The following OSBP2 variants were observed in gnomAD, a reference collection of about 807,000 sequenced individuals.
The protein encoded by OSBP2 is oxysterol-binding protein 2.
A neutral mutation model predicts 96.0 loss-of-function variants in OSBP2; 66 were observed. That is an observed-to-expected ratio of 0.69 (90% CI 0.56 to 0.84). The LOEUF (loss-of-function observed/expected upper bound fraction) is 0.84. OSBP2 is among the 40% of genes least tolerant of loss of function. The pLI, the probability that OSBP2 is intolerant of heterozygous loss-of-function variation, is 0.00. For missense variants in OSBP2, 1,038 were observed against 1,222.7 expected (o/e 0.85, Z 2.25); for synonymous variants, 525 against 520.9 (o/e 1.01, Z -0.11).
intron 1 of OSBP2, among the ~76,000 whole-genome samples, chr22:30,737,839 AG>A (rs1232767605): frequency 6.6e-6 from 1 of 151,976 alleles, no homozygotes; most frequent in Non-Finnish European, 1.5e-5. Context: ...CAGCCTCCTG[AG>A]TAGCTGGGAC....
At chr22:30,901,107 C>T (rs994875651) in intron 12 of OSBP2, among the ~76,000 whole-genome samples, 6 of 152,132 alleles carry the variant, frequency 3.9e-5, no homozygotes, top group Non-Finnish European at 7.4e-5. Flanking sequence ...CTCACTCTGT[C>T]GCCCAGCCTG....
chr22:30,898,238 GA>G (rs767554154), intron 12 of OSBP2, among the ~76,000 whole-genome samples: 6 of 152,048 alleles, frequency 3.9e-5, no homozygotes, highest in Non-Finnish European at 7.4e-5. Flanking sequence ...TGTAGTCCCA[GA>G]TACTCAGGAG....
At chr22:30,904,445 G>A (rs1233825584) in intron 12 of OSBP2, among the ~76,000 whole-genome samples, 1 of 152,176 alleles carries the variant, frequency 6.6e-6, no homozygotes, top group Non-Finnish European at 1.5e-5. Flanking sequence ...CAAAACAAAT[G>A]CATCTAAACT....
intron 2 of OSBP2, among the ~76,000 whole-genome samples, chr22:30,790,289 C>A (rs1241748787): frequency 6.6e-6 from 1 of 151,884 alleles, no homozygotes; most frequent in Non-Finnish European, 1.5e-5. Flanking sequence ...CTGCTGTGGA[C>A]CCACTTTTTA....
intron 2 of OSBP2, among the ~76,000 whole-genome samples, chr22:30,791,561 A>G (rs189627169): frequency 3.3e-5 from 5 of 151,946 alleles, no homozygotes; most frequent in African/African-American, 1.2e-4. Context: ...TCCTGACCTG[A>G]AGTGATCCGC....
At chr22:30,825,759 G>A (rs2038388786) in intron 2 of OSBP2, among the ~76,000 whole-genome samples, 1 of 152,182 alleles carries the variant, frequency 6.6e-6, no homozygotes, top group Admixed American at 6.5e-5. Context: ...CCTTGGGCAG[G>A]CCCTGACCAT....
At position 30,767,667 on chromosome 22, in the gene OSBP2, G is replaced by A. The variant is rs569641712; in HGVS notation, c.853+26298G>A. On this transcript the variant is annotated intron_variant, in intron 2 of 13. Coordinates refer to ENST00000332585, the MANE Select transcript of OSBP2 (RefSeq NM_030758.4). ...CCCTGTCTTAGAGAGTTTGCAGGAAGTAGAAAAGGGAATGCAGAGGGCTGA... is the reference window on the plus strand; with the variant it reads ...CCCTGTCTTAGAGAGTTTGCAGGAAATAGAAAAGGGAATGCAGAGGGCTGA... Among the ~76,000 whole-genome samples, 95 of 152,112 alleles carry A rather than the reference G, an allele frequency of 6.2e-4. 3 individuals are homozygous for A. The South Asian group carries it at 0.02, about 31-fold the overall frequency.
In OSBP2 at chr22:30,732,302, C is replaced by T. The variant is rs563777468; in HGVS notation, c.645-8859C>T. Among the ~76,000 whole-genome samples the T allele has an allele frequency of 1.8e-4, 27 of 152,148 alleles. 1 individual carries two copies. The South Asian group carries it at 5.6e-3, about 32-fold the overall frequency. On this transcript the variant is annotated intron_variant, in intron 1 of 13. Coordinates refer to ENST00000332585, the MANE Select transcript of OSBP2 (RefSeq NM_030758.4). ...CTGGGCAACAAGAGTGAAACTCTGT[C>T]TCAAAAAATAAATAAATAAATAAAA...
At chr22:30,809,616 TA>T (rs1684303239) in intron 2 of OSBP2, among the ~76,000 whole-genome samples, 1 of 152,182 alleles carries the variant, frequency 6.6e-6, no homozygotes, top group South Asian at 2.1e-4. Context: ...GCTTAGCTCC[TA>T]GTAGGCTGTG....
chr22:30,785,385 A>G (rs59931472), intron 2 of OSBP2, among the ~76,000 whole-genome samples: 1 of 151,912 alleles, frequency 6.6e-6, no homozygotes, highest in Non-Finnish European at 1.5e-5. Flanking sequence ...CCTGGCCAAC[A>G]TGGTGAAACT....
At position 30,788,740 on chromosome 22, in the gene OSBP2, T is replaced by C. The variant is rs527351689; in HGVS notation, c.853+47371T>C. Among the ~76,000 whole-genome samples the C allele has an allele frequency of 5.3e-5, 8 of 152,154 alleles. 1 individual carries two copies. The South Asian group carries it at 1.7e-3, about 32-fold the overall frequency. On this transcript the variant is annotated intron_variant, in intron 2 of 13. Transcript: ENST00000332585. ...TTATTTATTTATTTTTGAGATGGAG[T>C]CTTGCTCTGTCACCCAGGCTGGAGT... is the stretch of plus-strand genomic sequence containing the variant.
At chr22:30,766,077 G>A (rs1337581366) in intron 2 of OSBP2, among the ~76,000 whole-genome samples, 1 of 152,110 alleles carries the variant, frequency 6.6e-6, no homozygotes, top group East Asian at 1.9e-4. Flanking sequence ...TTCAAAAAAA[G>A]TAATAATAGT....
chr22:30,702,213 A>G (rs2089175344), intron 1 of OSBP2, among the ~76,000 whole-genome samples: 1 of 152,054 alleles, frequency 6.6e-6, no homozygotes, highest in African/African-American at 2.4e-5. Flanking sequence ...CCTTCTGCTT[A>G]CCTGGTGTCC....
chr22:30,878,693 C>T (rs1304092798), intron 3 of OSBP2, among the ~76,000 whole-genome samples: 4 of 152,176 alleles, frequency 2.6e-5, no homozygotes, highest in South Asian at 2.1e-4. Context: ...AGATGCCGCA[C>T]TCTTGGTCCC....
chr22:30,840,912 C>G (rs1257960757), intron 2 of OSBP2, among the ~76,000 whole-genome samples: 1 of 151,994 alleles, frequency 6.6e-6, no homozygotes, highest in Non-Finnish European at 1.5e-5. Context: ...TGCCTGTAAT[C>G]TCAGGACTTT....
chr22:30,696,802 C>T (rs577440809), intron 1 of OSBP2, among the ~76,000 whole-genome samples: 61 of 152,098 alleles, frequency 4.0e-4, no homozygotes, highest in African/African-American at 1.3e-3. Context: ...TACAGGCGCC[C>T]GTCACCATGC....
chr22:30,901,213 T>C (rs1336708251), intron 12 of OSBP2, among the ~76,000 whole-genome samples: 5 of 152,008 alleles, frequency 3.3e-5, no homozygotes, highest in Non-Finnish European at 5.9e-5. Flanking sequence ...GGATTACAGG[T>C]GTGCGCCACC....
At position 30,741,211 on chromosome 22, in the gene OSBP2, C is replaced by T. The variant is rs764087977; in HGVS notation, c.695C>T (p.Thr232Ile). The change falls in exon 2 of 14, where the codon ACC becomes ATC. Residue 232 changes from threonine to isoleucine, a missense_variant. Thr to Ile is a moderately conservative substitution (Grantham distance 89). Around this residue, in one of 3 missense-constraint regions of OSBP2, gnomAD observed 281 missense variants for 273.4 expected, o/e 1.03. Coordinates refer to ENST00000332585, the MANE Select transcript of OSBP2 (RefSeq NM_030758.4). ...HTCRGTINLS[T>I]AHIDTEDSCG... ...TGCCGTGGAACCATCAACCTGTCCA[C>T]CGCGCACATTGACACGGAGGACTCT... is the stretch of plus-strand genomic sequence containing the variant. 6.2e-7 allele frequency: 1 copy of T among 1,614,208 alleles called. No individual in the cohort carries two copies. Among genetic ancestry groups the T allele is most frequent in the Non-Finnish European group, 8.5e-7 (1 of 1,180,048 alleles).
intron 2 of OSBP2, among the ~76,000 whole-genome samples, chr22:30,790,030 G>A (rs2090650231): frequency 6.6e-6 from 1 of 152,124 alleles, no homozygotes; most frequent in Admixed American, 6.5e-5. Context: ...ATGTGCAAGG[G>A]GAGAGGGTGA....
Sources: allele counts gnomAD v4.1 joint callset (sites outside exome capture counted in the v4.1 genomes callset), GRCh38; gene constraint gnomAD v4.1.1; regional missense constraint gnomAD v4.1.1; transcripts MANE v1.5; gene names NCBI Gene and HGNC (gene_info 2026-07-23, HGNC 2026-07-21).